CEP112: variants seen among roughly 807,000 people sequenced by gnomAD.
CEP112 encodes centrosomal protein 112.
Under a neutral mutation model 153.0 loss-of-function variants are expected in CEP112, and 127 were observed. The observed-to-expected ratio is 0.83, with a 90% confidence interval of 0.72 to 0.96. The LOEUF is 0.96. CEP112 is among the 40% of genes least tolerant of loss of function. The pLI, the probability that CEP112 is intolerant of heterozygous loss-of-function variation, is 0.00. For synonymous variants in CEP112, 358 were observed against 374.4 expected, an observed-to-expected ratio of 0.96 and a Z score of 0.51; for missense variants, 1,089 against 1,101.2, an observed-to-expected ratio of 0.99 and a Z score of 0.16.
intron 4 of CEP112, among the ~76,000 whole-genome samples, chr17:66,153,020 C>T (rs1674638743): frequency 1.3e-5 from 2 of 152,188 alleles, no homozygotes; most frequent in Admixed American, 6.5e-5. Flanking sequence ...AAATCAAAGC[C>T]ACTGACAATA....
chr17:65,851,749 T>C (rs1172130833), intron 21 of CEP112, 55 bp downstream of exon 21: 5 of 1,286,356 alleles, frequency 3.9e-6, no homozygotes, highest in African/African-American at 1.5e-5. Context: ...GTGGTGGCAA[T>C]GGATTTTAAA....
chr17:65,736,372 G>C (rs1045779438), intron 23 of CEP112, among the ~76,000 whole-genome samples: 2 of 152,126 alleles, frequency 1.3e-5, no homozygotes, highest in African/African-American at 4.8e-5. Context: ...GTTTATGACA[G>C]CTCTAGATTG....
At position 65,971,853 on chromosome 17, in the gene CEP112, A is replaced by G. The variant is rs191445108; in HGVS notation, c.1737-10255T>C. Among the ~76,000 whole-genome samples, 163 of 152,354 alleles carry G rather than the reference A, an allele frequency of 1.1e-3. 1 individual carries two copies. The highest frequency in any genetic ancestry group is 3.7e-3 in the African/African-American group (154 of 41,580). ...TAAAGAAAGTAAATTTACAGTACTT[A>G]AAGAGCCATATCAACAGGAAACAAA... On this transcript the variant is annotated intron_variant, in intron 17 of 26. Coordinates refer to ENST00000535342, the MANE Select transcript of CEP112 (RefSeq NM_001199165.4).
chr17:65,973,118 A>G (rs4514707), intron 17 of CEP112, among the ~76,000 whole-genome samples: 63,011 of 152,186 alleles, frequency 0.41, 14,448 homozygotes, highest in East Asian at 0.87. Flanking sequence ...AATTACTAAA[A>G]AGTGATCAAA....
intron 21 of CEP112, among the ~76,000 whole-genome samples, chr17:65,810,155 T>G (rs948584275): frequency 2.0e-5 from 3 of 152,196 alleles, no homozygotes; most frequent in African/African-American, 7.2e-5. Flanking sequence ...GTAGAATAAT[T>G]AAGTATTAAT....
chr17:65,957,965 A>G (rs1249577944), intron 18 of CEP112, among the ~76,000 whole-genome samples: 1 of 152,166 alleles, frequency 6.6e-6, no homozygotes, highest in Non-Finnish European at 1.5e-5. Flanking sequence ...ATCCTTGTTA[A>G]TGTAATCTAG....
intron 8 of CEP112, among the ~76,000 whole-genome samples, chr17:66,072,343 C>T (rs370126481): frequency 1.3e-5 from 2 of 152,154 alleles, no homozygotes; most frequent in South Asian, 2.1e-4. Context: ...TACAAATTAT[C>T]ACAGTAATGT....
intron 6 of CEP112, 59 bp downstream of exon 6, chr17:66,129,687 A>C (rs1431130197): frequency 8.6e-7 from 1 of 1,163,038 alleles, no homozygotes; most frequent in African/African-American, 1.5e-5. Context: ...CAGATATTAT[A>C]CACATACAAT....
At chr17:66,157,680 G>T (rs2071503366) in intron 4 of CEP112, among the ~76,000 whole-genome samples, 1 of 122,496 alleles carries the variant, frequency 8.2e-6, no homozygotes, top group Admixed American at 9.0e-5. Flanking sequence ...AGAGATGGAG[G>T]AATATTTACC....
At chr17:65,651,571 T>C (rs147542483) in intron 24 of CEP112, among the ~76,000 whole-genome samples, 133 of 152,334 alleles carry the variant, frequency 8.7e-4, no homozygotes, top group African/African-American at 3.0e-3. Flanking sequence ...GCAGAAGTGT[T>C]CCCTTTTCAT....
At chr17:65,888,580 T>C (rs2059363382) in intron 20 of CEP112, among the ~76,000 whole-genome samples, 1 of 152,190 alleles carries the variant, frequency 6.6e-6, no homozygotes. Flanking sequence ...CATTTTACTG[T>C]ATATATTTAT....
intron 21 of CEP112, among the ~76,000 whole-genome samples, chr17:65,818,215 A>G (rs1167442575): frequency 6.6e-6 from 1 of 151,866 alleles, no homozygotes; most frequent in African/African-American, 2.4e-5. Context: ...TTTCACTTGA[A>G]GTGGTTCTAA....
At chr17:65,780,000 A>G (rs1315227970) in intron 21 of CEP112, among the ~76,000 whole-genome samples, 1 of 152,120 alleles carries the variant, frequency 6.6e-6, no homozygotes, top group South Asian at 2.1e-4. Context: ...AAATGCCCAT[A>G]TATTCCTGAA....
intron 4 of CEP112, among the ~76,000 whole-genome samples, chr17:66,154,371 T>C (rs182087589): frequency 1.2e-3 from 176 of 147,408 alleles, no homozygotes; most frequent in Middle Eastern, 7.4e-3. Flanking sequence ...AAAAATTAGC[T>C]GGGTGTGGGG....
At chr17:65,673,649 G>A (rs1013004844) in intron 24 of CEP112, among the ~76,000 whole-genome samples, 3 of 151,840 alleles carry the variant, frequency 2.0e-5, no homozygotes, top group African/African-American at 4.8e-5. Flanking sequence ...TGTATGAAAC[G>A]AAACTCTCAA....
At chr17:65,931,954 C>T (rs2061140574) in intron 18 of CEP112, among the ~76,000 whole-genome samples, 1 of 152,190 alleles carries the variant, frequency 6.6e-6, no homozygotes, top group Admixed American at 6.5e-5. Context: ...ACCTTGACAG[C>T]ATTGGAGTCT....
intron 22 of CEP112, among the ~76,000 whole-genome samples, chr17:65,745,319 GT>G (rs1231313934): frequency 6.6e-6 from 1 of 152,164 alleles, no homozygotes; most frequent in Non-Finnish European, 1.5e-5. Flanking sequence ...GAATGAAGAT[GT>G]TTTCATCCAT....
rs142299713 is a variant in CEP112, at chr17:65,689,225, C to G, written c.2608-7G>C. 482 of 1,594,802 alleles carry G rather than the reference C, an allele frequency of 3.0e-4. 2 individuals carry two copies. The African/African-American group carries it at 5.9e-3, about 19-fold the overall frequency. On this transcript the variant is annotated splice_polypyrimidine_tract_variant and splice_region_variant and intron_variant, in intron 23 of 26. Transcript: ENST00000535342. ...CTAATTCATCTTGTAAAACCTGAAA[C>G]GGTATAAAATAAAGATATCATTAAT...
At chr17:65,869,208 T>C (rs554061323) in intron 20 of CEP112, among the ~76,000 whole-genome samples, 2 of 152,346 alleles carry the variant, frequency 1.3e-5, no homozygotes, top group Admixed American at 6.5e-5. Flanking sequence ...GACCAAGAGC[T>C]ATTTAGAAAT....
Sources: allele counts gnomAD v4.1 joint callset (sites outside exome capture counted in the v4.1 genomes callset), GRCh38; gene constraint gnomAD v4.1.1; transcripts MANE v1.5; gene names NCBI Gene and HGNC (gene_info 2026-07-23, HGNC 2026-07-21).